ANK3: variants seen among roughly 807,000 people sequenced by gnomAD.
ANK3 encodes the protein ankyrin 3, also known as ankyrin-3.
Under a neutral mutation model 370.9 loss-of-function variants are expected in ANK3, and 57 were observed. That is an observed-to-expected ratio of 0.15 (90% CI 0.12 to 0.19). ANK3 has a LOEUF of 0.19. Ranked by LOEUF, ANK3 falls within the 10% of genes least tolerant of loss-of-function variation. The pLI is 1.00. For synonymous variants in ANK3, 1,929 were observed against 1,946.3 expected (o/e 0.99, Z 0.23); for missense variants, 4,439 against 5,302.1 (o/e 0.84, Z 5.06).
chr10:60,240,281 C>T (rs865849788), intron 7 of ANK3, among the ~76,000 whole-genome samples: 941 of 88,316 alleles, frequency 0.011, 21 homozygotes, highest in African/African-American at 0.046. Context: ...TACACACACA[C>T]ATATATATAT....
intron 2 of ANK3, among the ~76,000 whole-genome samples, chr10:60,530,202 T>C (rs939151880): frequency 6.6e-6 from 1 of 152,182 alleles, no homozygotes; most frequent in Non-Finnish European, 1.5e-5. Context: ...TGTTGGGATC[T>C]TCCTATTTAA....
At chr10:60,055,186 T>G (rs1386982925) in intron 42 of ANK3, among the ~76,000 whole-genome samples, 4 of 152,168 alleles carry the variant, frequency 2.6e-5, no homozygotes, top group Non-Finnish European at 5.9e-5. Context: ...AAAACACGCT[T>G]TCAGACAACA....
At chr10:60,049,459 C>T (rs145725753) in intron 42 of ANK3, among the ~76,000 whole-genome samples, 4 of 152,102 alleles carry the variant, frequency 2.6e-5, no homozygotes, top group East Asian at 3.9e-4. Flanking sequence ...TGGTGTCGCA[C>T]GCCTGTAGTC....
At chr10:60,175,541 C>T (rs2095908422) in intron 18 of ANK3, among the ~76,000 whole-genome samples, 1 of 152,240 alleles carries the variant, frequency 6.6e-6, no homozygotes. Flanking sequence ...AACATCATTA[C>T]AAGCTGATTA....
intron 36 of ANK3, among the ~76,000 whole-genome samples, chr10:60,079,644 A>G (rs1370652491): frequency 2.0e-5 from 3 of 152,210 alleles, no homozygotes; most frequent in African/African-American, 7.2e-5. Flanking sequence ...TAATTTTTGT[A>G]TAATTTCCCC....
At position 60,088,272 on chromosome 10, in the gene ANK3, G is replaced by A. The variant is rs767350803; in HGVS notation, c.3415C>T (p.Arg1139Trp). Residue 1139 changes from arginine to tryptophan, a missense_variant, in exon 29 of 44, where the codon CGG becomes TGG. Physicochemically the swap from Arg to Trp is moderately radical, Grantham distance 101. Transcript: ENST00000280772. ...DFPQYFAVVS[R>W]IKQESNQIGP... ...ATCTGGTTGCTTTCCTGCTTAATCCGGGAAACCACTGCAAAATACTGGGGG... is the reference window on the plus strand; with the variant it reads ...ATCTGGTTGCTTTCCTGCTTAATCCAGGAAACCACTGCAAAATACTGGGGG... 5.6e-6 allele frequency: 9 copies of A among 1,613,966 alleles called. No homozygotes were observed. The highest frequency in any genetic ancestry group is 1.1e-5 in the South Asian group (1 of 91,082).
chr10:60,125,668 G>A (rs1258403148), intron 25 of ANK3, among the ~76,000 whole-genome samples: 1 of 152,168 alleles, frequency 6.6e-6, no homozygotes, highest in Admixed American at 6.6e-5. Flanking sequence ...TTAATCTGCC[G>A]ACGGGTGTGG....
intron 2 of ANK3, among the ~76,000 whole-genome samples, chr10:60,477,989 A>G (rs1186269280): frequency 6.6e-5 from 10 of 152,110 alleles, no homozygotes; most frequent in Admixed American, 6.6e-4. Context: ...ATTGACAAGT[A>G]TGTAAAAAAT....
At chr10:60,128,895 T>A (rs186774319) in intron 25 of ANK3, among the ~76,000 whole-genome samples, 187 of 152,344 alleles carry the variant, frequency 1.2e-3, no homozygotes, top group Middle Eastern at 3.4e-3. Flanking sequence ...ATGAGCACTG[T>A]CTAATCTGGA....
chr10:60,463,616 A>C (rs367948853), intron 2 of ANK3, among the ~76,000 whole-genome samples: 6 of 152,206 alleles, frequency 3.9e-5, no homozygotes, highest in African/African-American at 1.4e-4. Context: ...GCCCTGTTGC[A>C]AAGGACAGTC....
intron 1 of ANK3, among the ~76,000 whole-genome samples, chr10:60,680,443 G>A (rs2079180642): frequency 6.6e-6 from 1 of 152,176 alleles, no homozygotes; most frequent in Non-Finnish European, 1.5e-5. Context: ...CCATGAAGAT[G>A]TCACTGAATA....
At chr10:60,147,153 T>C (rs2094868106) in intron 23 of ANK3, among the ~76,000 whole-genome samples, 1 of 152,192 alleles carries the variant, frequency 6.6e-6, no homozygotes, top group Non-Finnish European at 1.5e-5. Flanking sequence ...AATTGTGCCA[T>C]CTGCTTCAGG....
chr10:60,185,011 T>C (rs1437402500), intron 17 of ANK3, among the ~76,000 whole-genome samples: 1 of 152,208 alleles, frequency 6.6e-6, no homozygotes, highest in East Asian at 1.9e-4. Context: ...AATTCTGGTC[T>C]CTAAATTGGT....
At chr10:60,159,953 C>G (rs989185640) in intron 23 of ANK3, among the ~76,000 whole-genome samples, 1 of 151,800 alleles carries the variant, frequency 6.6e-6, no homozygotes, top group Non-Finnish European at 1.5e-5. Flanking sequence ...CAATAAATGC[C>G]TACATCAAAA....
intron 1 of ANK3, among the ~76,000 whole-genome samples, chr10:60,362,639 A>C (rs2058784269): frequency 1.3e-5 from 2 of 152,194 alleles, no homozygotes; most frequent in African/African-American, 4.8e-5. Flanking sequence ...GTCCAGGGAC[A>C]AGGATGGAAT....
At chr10:60,310,454 A>C (rs1010104760) in intron 1 of ANK3, among the ~76,000 whole-genome samples, 3 of 152,222 alleles carry the variant, frequency 2.0e-5, no homozygotes, top group African/African-American at 7.2e-5. Flanking sequence ...TTATTATATG[A>C]ATGAAAAGCA....
At chr10:60,388,829 A>T (rs1010992304) in intron 1 of ANK3, among the ~76,000 whole-genome samples, 1 of 152,214 alleles carries the variant, frequency 6.6e-6, no homozygotes, top group Admixed American at 6.5e-5. Context: ...TTAACAAAAG[A>T]AAGTTATTTC....
At chr10:60,243,201 A>G (rs1287289101) in intron 7 of ANK3, among the ~76,000 whole-genome samples, 2 of 152,190 alleles carry the variant, frequency 1.3e-5, no homozygotes, top group African/African-American at 4.8e-5. Flanking sequence ...CAGATCTCTT[A>G]TCTGTAAAAT....
chr10:60,712,971 AG>A (rs1382185288), intron 1 of ANK3, among the ~76,000 whole-genome samples: 2 of 152,210 alleles, frequency 1.3e-5, no homozygotes, highest in African/African-American at 4.8e-5. Flanking sequence ...AAAAACTAAA[AG>A]AACAACAAGG....
Sources: gnomAD v4.1 joint callset for allele counts (sites outside exome capture counted in the v4.1 genomes callset) on GRCh38, gnomAD v4.1.1 for gene constraint, MANE v1.5 for transcripts, NCBI Gene and HGNC (gene_info 2026-07-23, HGNC 2026-07-21) for gene names.